SGCZ: variants seen among roughly 807,000 people sequenced by gnomAD.
The protein encoded by SGCZ is zeta-sarcoglycan.
Under a neutral mutation model 41.3 loss-of-function variants are expected in SGCZ, and 40 were observed. The observed-to-expected ratio is 0.97, with a 90% CI of 0.75 to 1.26. The LOEUF (loss-of-function observed/expected upper bound fraction) is 1.26, where lower values mean the gene tolerates loss of function less well. Among genes scored for constraint, SGCZ ranks in the 50% most tolerant of loss-of-function variants. The pLI is 0.00. For missense variants in SGCZ, 552 were observed against 369.8 expected, an observed-to-expected ratio of 1.49 and a Z score of -4.04; for synonymous variants, 206 against 137.5, an observed-to-expected ratio of 1.50 and a Z score of -3.49.
intron 1 of SGCZ, among the ~76,000 whole-genome samples, chr8:15,179,249 TC>T (rs1373720861): frequency 6.6e-6 from 1 of 152,196 alleles, no homozygotes; most frequent in Non-Finnish European, 1.5e-5. Context: ...AGATTTTTCT[TC>T]AGATAGAGGG....
chr8:15,073,029 A>G (rs1805410322), intron 1 of SGCZ, among the ~76,000 whole-genome samples: 1 of 152,192 alleles, frequency 6.6e-6, no homozygotes, highest in South Asian at 2.1e-4. Flanking sequence ...TGAACAGAAG[A>G]CTTGTTTTAA....
rs192953343 is a variant in SGCZ at position 14,094,494 on chromosome 8, C to T, written c.745-3857G>A. On this transcript the variant is annotated intron_variant, in intron 7 of 7. Coordinates refer to ENST00000382080, the MANE Select transcript of SGCZ (RefSeq NM_139167.4). Reference sequence around the variant, plus strand: ...TCCTTTTTATGACTGCACAGTATTCCGTGGTGTATATGTGCCATATTTTGT... The same window carrying T: ...TCCTTTTTATGACTGCACAGTATTCTGTGGTGTATATGTGCCATATTTTGT... Among the ~76,000 whole-genome samples the T allele has an allele frequency of 5.9e-5, 9 of 152,118 alleles. 1 individual carries two copies. Among genetic ancestry groups the T allele is most frequent in the South Asian group, 4.2e-4 (2 of 4,812 alleles).
intron 1 of SGCZ, among the ~76,000 whole-genome samples, chr8:15,140,920 T>G (rs1470898683): frequency 1.3e-5 from 2 of 152,310 alleles, no homozygotes; most frequent in East Asian, 3.9e-4. Flanking sequence ...ATACTTGCAG[T>G]AATGATGACC....
At chr8:14,730,929 T>G (rs1286355658) in intron 1 of SGCZ, among the ~76,000 whole-genome samples, 1 of 151,836 alleles carries the variant, frequency 6.6e-6, no homozygotes, top group East Asian at 1.9e-4. Context: ...AATTTTACGC[T>G]GTTGGCAGGA....
intron 1 of SGCZ, among the ~76,000 whole-genome samples, chr8:15,147,791 T>C (rs1799076436): frequency 6.6e-6 from 1 of 152,128 alleles, no homozygotes; most frequent in South Asian, 2.1e-4. Flanking sequence ...GGGCACTTTG[T>C]TGTCAGGGGG....
At chr8:14,279,172 T>C (rs970625170) in intron 3 of SGCZ, among the ~76,000 whole-genome samples, 12 of 151,898 alleles carry the variant, frequency 7.9e-5, no homozygotes, top group East Asian at 5.8e-4. Context: ...AGAAGCTCAA[T>C]AGGTCCCTGA....
intron 1 of SGCZ, among the ~76,000 whole-genome samples, chr8:14,643,500 G>A (rs1383753243): frequency 6.6e-6 from 1 of 150,856 alleles, no homozygotes; most frequent in Non-Finnish European, 1.5e-5. Flanking sequence ...GGAATGAGCA[G>A]ATGCGAAGAA....
At chr8:14,945,755 C>T (rs1317091760) in intron 1 of SGCZ, among the ~76,000 whole-genome samples, 1 of 151,438 alleles carries the variant, frequency 6.6e-6, no homozygotes, top group South Asian at 2.1e-4. Flanking sequence ...GCTGGGACAT[C>T]CTTCTTCTGC....
intron 1 of SGCZ, among the ~76,000 whole-genome samples, chr8:14,924,482 T>C (rs941051276): frequency 6.6e-6 from 1 of 152,182 alleles, no homozygotes; most frequent in Non-Finnish European, 1.5e-5. Flanking sequence ...ATAGGTTTTA[T>C]ATTTTGTGGT....
At chr8:15,153,879 C>T (rs1200351381) in intron 1 of SGCZ, among the ~76,000 whole-genome samples, 1 of 152,010 alleles carries the variant, frequency 6.6e-6, no homozygotes, top group Non-Finnish European at 1.5e-5. Context: ...CTTTTTGGCA[C>T]CAGGGACCAG....
intron 2 of SGCZ, among the ~76,000 whole-genome samples, chr8:14,511,171 C>T (rs1325728854): frequency 6.6e-6 from 1 of 151,664 alleles, no homozygotes; most frequent in Non-Finnish European, 1.5e-5. Flanking sequence ...ATGCCATGGG[C>T]TCTATCTGCT....
intron 1 of SGCZ, among the ~76,000 whole-genome samples, chr8:15,143,118 T>C (rs1327176804): frequency 1.3e-5 from 2 of 152,346 alleles, no homozygotes; most frequent in East Asian, 3.9e-4. Context: ...CATATGTGGA[T>C]AATGTCAGAA....
chr8:15,215,831 A>G (rs1430572160), intron 1 of SGCZ, among the ~76,000 whole-genome samples: 1 of 152,172 alleles, frequency 6.6e-6, no homozygotes. Context: ...TTTTAAAGTA[A>G]AATTCTTTGG....
intron 2 of SGCZ, among the ~76,000 whole-genome samples, chr8:14,528,330 A>T (rs1803016236): frequency 6.6e-6 from 1 of 152,148 alleles, no homozygotes; most frequent in Non-Finnish European, 1.5e-5. Flanking sequence ...CGGATTAAAA[A>T]GACAGGACAG....
intron 1 of SGCZ, among the ~76,000 whole-genome samples, chr8:14,569,864 C>T (rs935276913): frequency 5.3e-5 from 8 of 151,110 alleles, no homozygotes; most frequent in Non-Finnish European, 1.0e-4. Flanking sequence ...AGTGGGGAGG[C>T]AGATGCAGCC....
intron 1 of SGCZ, among the ~76,000 whole-genome samples, chr8:14,612,174 T>G (rs1321213417): frequency 6.6e-6 from 1 of 152,206 alleles, no homozygotes; most frequent in Non-Finnish European, 1.5e-5. Flanking sequence ...TTTGGCTCTG[T>G]GTCCCCACCC....
intron 1 of SGCZ, among the ~76,000 whole-genome samples, chr8:14,990,046 G>T (rs1349968592): frequency 1.3e-5 from 2 of 152,210 alleles, no homozygotes; most frequent in South Asian, 2.1e-4. Context: ...TTTGTTATTT[G>T]CTGATAACCA....
chr8:14,155,706 T>C (rs556062459), intron 5 of SGCZ, among the ~76,000 whole-genome samples: 66 of 150,182 alleles, frequency 4.4e-4, no homozygotes, highest in Non-Finnish European at 6.8e-4. Flanking sequence ...ATGTAAAATA[T>C]ATATTATATA....
intron 1 of SGCZ, among the ~76,000 whole-genome samples, chr8:15,124,826 A>G (rs527303318): frequency 6.6e-6 from 1 of 152,360 alleles, no homozygotes; most frequent in Admixed American, 6.5e-5. Context: ...TAATACAATT[A>G]AGATCTTTAA....
Sources: gnomAD v4.1 joint callset for allele counts (sites outside exome capture counted in the v4.1 genomes callset) on GRCh38, gnomAD v4.1.1 for gene constraint, MANE v1.5 for transcripts, NCBI Gene and HGNC (gene_info 2026-07-23, HGNC 2026-07-21) for gene names.